The following AGAP1 variants were observed in gnomAD, a reference collection of about 807,000 sequenced individuals.
AGAP1 encodes arf-GAP with GTPase, ANK repeat and PH domain-containing protein 1.
In AGAP1, 29 loss-of-function variants were observed where a neutral mutation model predicts 105.3. The observed-to-expected ratio is 0.28, with a 90% CI of 0.21 to 0.38. The LOEUF is 0.38. Among genes scored for constraint, AGAP1 ranks in the 10% least tolerant of loss-of-function variants. The pLI, the probability that AGAP1 is intolerant of heterozygous loss-of-function variation, is 1.00. For synonymous variants in AGAP1, 509 were observed against 485.9 expected, an observed-to-expected ratio of 1.05 and a Z score of -0.63; for missense variants, 998 against 1,165.1, an observed-to-expected ratio of 0.86 and a Z score of 2.09.
rs1553646539 is a variant in AGAP1, at chr2:235,840,782, T to TTA, written c.1050+33451_1050+33452insTA. Among the ~76,000 whole-genome samples, 11 of 151,448 alleles carry TTA rather than the reference T, an allele frequency of 7.3e-5. No individual in the cohort carries two copies. The East Asian group carries it at 2.1e-3, about 30-fold the overall frequency. ...GAGAAAGAAGAGTTTTTTTTTTTTT[T>TTA]ATAAATGAGGGACACTTGTGCTGAA... On this transcript the variant is annotated intron_variant, in intron 9 of 17. Transcript: ENST00000304032.
intron 13 of AGAP1, among the ~76,000 whole-genome samples, chr2:235,999,161 GTGATGA>G (rs141864400): frequency 3.4e-5 from 5 of 145,316 alleles, no homozygotes; most frequent in South Asian, 4.5e-4. Context: ...GGTGGTGGTG[GTGATGA>G]TGATGATAAT....
At chr2:235,568,867 G>A (rs1014850801) in intron 1 of AGAP1, among the ~76,000 whole-genome samples, 2 of 152,092 alleles carry the variant, frequency 1.3e-5, no homozygotes, top group Non-Finnish European at 2.9e-5. Flanking sequence ...AGCATCTTCT[G>A]ACCTCTCACC....
intron 15 of AGAP1, among the ~76,000 whole-genome samples, chr2:236,043,219 A>T (rs1416436342): frequency 6.6e-6 from 1 of 152,224 alleles, no homozygotes; most frequent in African/African-American, 2.4e-5. Flanking sequence ...ATGTATATAA[A>T]AAGCTTTTGA....
chr2:235,865,577 C>T lies in AGAP1; in HGVS notation c.1051-17768C>T, dbSNP rs995144777. 3.3e-5 allele frequency among the ~76,000 whole-genome samples: 5 copies of T among 152,118 alleles called. No individual in the cohort carries two copies. Among genetic ancestry groups the T allele is most frequent in the Admixed American group, 6.5e-5 (1 of 15,270 alleles). Reference sequence around the variant, plus strand: ...GGTTAAAGATCCAGAATCGGCCCCTCGCCCCTTTGCCCCTCCCCCAACTCC... The same window carrying T: ...GGTTAAAGATCCAGAATCGGCCCCTTGCCCCTTTGCCCCTCCCCCAACTCC... On this transcript the variant is annotated intron_variant, in intron 9 of 17. Coordinates refer to ENST00000304032, the MANE Select transcript of AGAP1 (RefSeq NM_001037131.3). The surrounding 1 kb of genome is among the most constrained non-coding windows in gnomAD (Gnocchi z 6.2).
At chr2:236,022,681 C>T (rs542546120) in intron 13 of AGAP1, among the ~76,000 whole-genome samples, 30 of 152,260 alleles carry the variant, frequency 2.0e-4, no homozygotes, top group Non-Finnish European at 3.2e-4. Flanking sequence ...ATTATAGGCA[C>T]CCGCCACCAC....
chr2:235,922,649 G>A (rs2052238102), intron 11 of AGAP1, among the ~76,000 whole-genome samples: 2 of 152,114 alleles, frequency 1.3e-5, no homozygotes, highest in African/African-American at 4.8e-5. Context: ...ATCAGAACAG[G>A]CTATTTTTAA....
chr2:235,955,586 C>A (rs1013655199), intron 12 of AGAP1, among the ~76,000 whole-genome samples: 3 of 152,184 alleles, frequency 2.0e-5, no homozygotes, highest in African/African-American at 7.2e-5. Context: ...AAAGCATATT[C>A]TGCTCTTTAT....
At chr2:235,818,073 A>G (rs1301193377) in intron 9 of AGAP1, among the ~76,000 whole-genome samples, 2 of 152,200 alleles carry the variant, frequency 1.3e-5, no homozygotes, top group Non-Finnish European at 2.9e-5. Flanking sequence ...GCTCCCTGCA[A>G]TATTTACTCC....
intron 12 of AGAP1, among the ~76,000 whole-genome samples, chr2:235,939,112 A>G (rs553789719): frequency 3.0e-4 from 46 of 152,252 alleles, no homozygotes; most frequent in African/African-American, 1.1e-3. Flanking sequence ...ACTGGGAGCA[A>G]TGGGTAGGAT....
intron 9 of AGAP1, among the ~76,000 whole-genome samples, chr2:235,831,331 C>T (rs1157479398): frequency 6.6e-6 from 1 of 152,200 alleles, no homozygotes; most frequent in African/African-American, 2.4e-5. Flanking sequence ...CACTGTCACC[C>T]TCAGTCCATC....
intron 1 of AGAP1, among the ~76,000 whole-genome samples, chr2:235,585,708 G>A (rs962552806): frequency 2.0e-5 from 3 of 152,156 alleles, no homozygotes; most frequent in Non-Finnish European, 4.4e-5. Context: ...TTACTTAAAT[G>A]TACTTTTTAC....
At chr2:235,745,472 A>G (rs1178881676) in intron 5 of AGAP1, among the ~76,000 whole-genome samples, 2 of 152,172 alleles carry the variant, frequency 1.3e-5, no homozygotes, top group Admixed American at 6.5e-5. Flanking sequence ...TCACAGACCT[A>G]TGGTTGTGCT....
At position 235,750,276 on chromosome 2, in the gene AGAP1, TC is replaced by T. The variant is rs1953321163; in HGVS notation, c.539-76del. On this transcript the variant is annotated intron_variant, in intron 5 of 17. Transcript: ENST00000304032. This position sits in a 1 kb window ranked among gnomAD's most constrained non-coding sequence, Gnocchi z 5.3. ...TTTCTGCTGAGTAAGGTACTGGTTT[TC>T]CGTGTTGTGGGGAGTGTAGGAAGTA... 1 of 1,585,976 alleles carries T rather than the reference TC, an allele frequency of 6.3e-7. No homozygotes were observed. The highest frequency in any genetic ancestry group is 1.3e-5 in the African/African-American group (1 of 74,566).
chr2:235,879,168 G>A lies in AGAP1; in HGVS notation c.1051-4177G>A, dbSNP rs2049888255. Among the ~76,000 whole-genome samples the A allele has an allele frequency of 6.6e-6, 1 of 152,242 alleles. No individual in the cohort carries two copies. Among genetic ancestry groups the A allele is most frequent in the Admixed American group, 6.5e-5 (1 of 15,284 alleles). On this transcript the variant is annotated intron_variant, in intron 9 of 17. Coordinates refer to ENST00000304032, the MANE Select transcript of AGAP1 (RefSeq NM_001037131.3). This position sits in a 1 kb window ranked among gnomAD's most constrained non-coding sequence, Gnocchi z 5.0. ...GTAACTCAGTCCTGGCTTTCAGGGA[G>A]CCATGGCTTCCATAACTTCGCTGCC...
chr2:235,741,534 A>G lies in AGAP1; in HGVS notation c.396+486A>G, dbSNP rs555442728. The stretch of plus-strand genomic sequence containing the variant: ...CCTTGGCCCAAGCAAGGCAGTCTCC[A>G]CCGAAAGCCGGTATGAAGCATATTA... On this transcript the variant is annotated intron_variant, in intron 4 of 17. Coordinates refer to ENST00000304032, the MANE Select transcript of AGAP1 (RefSeq NM_001037131.3). The surrounding 1 kb of genome is among the most constrained non-coding windows in gnomAD (Gnocchi z 4.9). Among the ~76,000 whole-genome samples the G allele has an allele frequency of 6.6e-6, 1 of 152,252 alleles. No individual in the cohort carries two copies. Among genetic ancestry groups the G allele is most frequent in the African/African-American group, 2.4e-5 (1 of 41,538 alleles).
At chr2:235,536,869 G>A (rs1053494914) in intron 1 of AGAP1, among the ~76,000 whole-genome samples, 1 of 152,156 alleles carries the variant, frequency 6.6e-6, no homozygotes, top group African/African-American at 2.4e-5. Flanking sequence ...AGTTTCCAGG[G>A]ACTGCGGCTT....
At chr2:235,770,214 G>A (rs963971792) in intron 6 of AGAP1, among the ~76,000 whole-genome samples, 2 of 149,834 alleles carry the variant, frequency 1.3e-5, no homozygotes, top group African/African-American at 2.4e-5. Context: ...TGTAAGCTCC[G>A]CTCCCCGGGT....
intron 16 of AGAP1, among the ~76,000 whole-genome samples, chr2:236,066,288 C>T (rs2058343906): frequency 1.3e-5 from 2 of 152,180 alleles, no homozygotes; most frequent in African/African-American, 2.4e-5. Flanking sequence ...TGCAGTGGCA[C>T]AATCTCAGTT....
intron 13 of AGAP1, among the ~76,000 whole-genome samples, chr2:236,022,037 C>T (rs919359543): frequency 2.0e-4 from 24 of 118,668 alleles, no homozygotes; most frequent in African/African-American, 2.8e-4. Context: ...CCAGTCTGGG[C>T]GACAGAGACC....
Sources: gnomAD v4.1 joint callset for allele counts (sites outside exome capture counted in the v4.1 genomes callset) on GRCh38, gnomAD v4.1.1 for gene constraint, Gnocchi (gnomAD v3.1) non-coding constraint, MANE v1.5 for transcripts, NCBI Gene and HGNC (gene_info 2026-07-23, HGNC 2026-07-21) for gene names.